Variants in PCDHA7 observed in about 807,000 individuals in gnomAD.
The protein encoded by PCDHA7 is protocadherin alpha 7.
Under a neutral mutation model 57.2 loss-of-function variants are expected in PCDHA7, and 37 were observed. That is an observed-to-expected ratio of 0.65 (90% confidence interval 0.50 to 0.85). PCDHA7 has a LOEUF of 0.85. Ranked by LOEUF, PCDHA7 falls within the 40% of genes least tolerant of loss-of-function variation. The pLI is 0.00. For missense variants in PCDHA7, 1,188 were observed against 1,241.8 expected, an observed-to-expected ratio of 0.96 and a Z score of 0.65; for synonymous variants, 553 against 558.8, an observed-to-expected ratio of 0.99 and a Z score of 0.15.
chr5:140,982,308 A>T, intron 2 of PCDHA7, 167 bp from the exon 3 acceptor site: 1 of 1,269,286 alleles, frequency 7.9e-7, no homozygotes. Context: ...ATGCTTCTGC[A>T]GTTTATGCAG....
chr5:140,849,276 G>T, intron 1 of PCDHA7: 1 of 1,173,354 alleles, frequency 8.5e-7, no homozygotes, highest in Non-Finnish European at 1.2e-6. Flanking sequence ...CGGAACGCTG[G>T]TGATTCACCC....
chr5:140,899,962 C>G (rs1562916347), intron 1 of PCDHA7, among the ~76,000 whole-genome samples: 1 of 152,064 alleles, frequency 6.6e-6, no homozygotes, highest in African/African-American at 2.4e-5. Flanking sequence ...CATGTGCTGC[C>G]ATGCCCAGCT....
intron 3 of PCDHA7, among the ~76,000 whole-genome samples, chr5:140,991,432 C>T (rs2153896288): frequency 6.6e-6 from 1 of 152,310 alleles, no homozygotes; most frequent in Non-Finnish European, 1.5e-5. Flanking sequence ...TAACCATAAA[C>T]TTCATGGCTT....
intron 3 of PCDHA7, among the ~76,000 whole-genome samples, chr5:141,004,019 A>G (rs2098147783): frequency 6.6e-6 from 1 of 152,244 alleles, no homozygotes; most frequent in South Asian, 2.1e-4. Flanking sequence ...CACTGAAAGA[A>G]GAAACATTTC....
intron 1 of PCDHA7, among the ~76,000 whole-genome samples, chr5:140,880,215 G>A (rs944497497): frequency 3.3e-5 from 5 of 152,162 alleles, no homozygotes; most frequent in Non-Finnish European, 5.9e-5. Context: ...TCCACCAGAA[G>A]TAGAACATTT....
intron 1 of PCDHA7, chr5:140,843,382 G>C: frequency 6.3e-7 from 1 of 1,596,126 alleles, no homozygotes; most frequent in Non-Finnish European, 8.6e-7. Flanking sequence ...CTGGCGTTTT[G>C]GGTCCGGAAG....
intron 1 of PCDHA7, among the ~76,000 whole-genome samples, chr5:140,911,305 T>C (rs1036239500): frequency 1.3e-5 from 2 of 152,186 alleles, no homozygotes; most frequent in Non-Finnish European, 2.9e-5. Context: ...CATATCCCCA[T>C]TCCAAGTTTC....
At chr5:141,006,996 G>T (rs1206587874) in intron 3 of PCDHA7, among the ~76,000 whole-genome samples, 2 of 152,136 alleles carry the variant, frequency 1.3e-5, no homozygotes, top group African/African-American at 4.8e-5. Flanking sequence ...TAAAATATAA[G>T]TCTGCATCTC....
chr5:140,941,548 C>CTCG (rs1175641247), intron 1 of PCDHA7, among the ~76,000 whole-genome samples: 1 of 151,868 alleles, frequency 6.6e-6, no homozygotes, highest in Non-Finnish European at 1.5e-5. Context: ...AACTCCTGAC[C>CTCG]TCGTGATCCA....
In PCDHA7 at chr5:140,851,765, C is replaced by T; in HGVS notation, c.2355+15027C>T. Reference sequence around the variant, plus strand: ...AGAGTCTGTAACTTAAAACATTACCCTTATGAATTTAGATGAGAATTCACT... The same window carrying T: ...AGAGTCTGTAACTTAAAACATTACCTTTATGAATTTAGATGAGAATTCACT... On this transcript the variant is annotated intron_variant, in intron 1 of 3. Transcript: ENST00000525929. 12 of 970,186 alleles carry T rather than the reference C, an allele frequency of 1.2e-5. 1 individual carries two copies. The highest frequency in any genetic ancestry group is 1.4e-5 in the Non-Finnish European group (11 of 802,992). The allele number at this position is 970,186 out of a possible 1,614,324, so 60.1% of individuals were successfully genotyped here. A position where few individuals can be genotyped will look rare whatever the true frequency, so the allele number is the denominator to read the frequency against.
intron 1 of PCDHA7, chr5:140,927,458 AAG>A: frequency 6.2e-7 from 1 of 1,614,124 alleles, no homozygotes; most frequent in Non-Finnish European, 8.5e-7. Context: ...GTGTTGGAGA[AAG>A]CACTGGATCG....
At chr5:141,005,558 C>T (rs367751568) in intron 3 of PCDHA7, among the ~76,000 whole-genome samples, 1 of 151,122 alleles carries the variant, frequency 6.6e-6, no homozygotes, top group Non-Finnish European at 1.5e-5. Context: ...AAAAATTAGC[C>T]GGGCATGGTG....
intron 1 of PCDHA7, chr5:140,966,420 G>C (rs2096000872): frequency 2.4e-6 from 1 of 421,302 alleles, no homozygotes; most frequent in South Asian, 1.0e-4. Flanking sequence ...AGCAGGACTT[G>C]CTGAGCCCTC....
chr5:140,927,427 G>C, intron 1 of PCDHA7: 2 of 1,614,114 alleles, frequency 1.2e-6, no homozygotes, highest in African/African-American at 1.3e-5. Flanking sequence ...GCGGGTTGAC[G>C]GCAGCGAATA....
At position 140,836,014 on chromosome 5, in the gene PCDHA7, C is replaced by T. The variant is rs1554135544; in HGVS notation, c.1631C>T (p.Pro544Leu). The T allele has an allele frequency of 4.3e-6, 7 of 1,613,364 alleles. No individual in the cohort carries two copies. In the Admixed American group the frequency reaches 8.3e-5, roughly 19 times the overall value. Residue 544 changes from proline to leucine, a missense_variant, in exon 1 of 4, where the codon CCT (proline) becomes CTT (leucine). Pro to Leu is a moderately conservative substitution (Grantham distance 98, BLOSUM62 -3). Around this residue, in one of 3 missense-constraint regions of PCDHA7, gnomAD observed 892 missense variants for 788.5 expected, o/e 1.13. Transcript: ENST00000525929. ...QVSARDAGVPPLGSNVTLQVF... is the reference protein window; with the variant it reads ...QVSARDAGVPLLGSNVTLQVF... ...AGCGCGCGCGATGCGGGCGTGCCGC[C>T]TCTGGGCAGCAACGTGACGCTGCAG...
At chr5:140,923,275 C>T (rs1296197801) in intron 1 of PCDHA7, among the ~76,000 whole-genome samples, 1 of 152,128 alleles carries the variant, frequency 6.6e-6, no homozygotes, top group African/African-American at 2.4e-5. Flanking sequence ...CTTGTCTCTA[C>T]AAAAAATTAA....
At chr5:140,984,398 A>T (rs1377930175) in intron 3 of PCDHA7, among the ~76,000 whole-genome samples, 1 of 152,142 alleles carries the variant, frequency 6.6e-6, no homozygotes, top group Non-Finnish European at 1.5e-5. Flanking sequence ...AAATGTTGAG[A>T]ACCTATCTTT....
intron 1 of PCDHA7, chr5:140,927,303 G>T: frequency 6.2e-7 from 1 of 1,614,150 alleles, no homozygotes. Flanking sequence ...CCGAGTTCCT[G>T]ACGCCCGGAG....
chr5:140,966,917 G>T, intron 1 of PCDHA7: 1 of 1,602,580 alleles, frequency 6.2e-7, no homozygotes, highest in Non-Finnish European at 8.5e-7. Context: ...TGTGCCAGAG[G>T]AGCAGGCACC....
Sources: allele counts gnomAD v4.1 joint callset (sites outside exome capture counted in the v4.1 genomes callset), GRCh38; gene constraint gnomAD v4.1.1; regional missense constraint gnomAD v4.1.1; transcripts MANE v1.5; gene names NCBI Gene and HGNC (gene_info 2026-07-23, HGNC 2026-07-21).